Variants in MAP7D3 observed in about 807,000 individuals in gnomAD.
MAP7D3 encodes MAP7 domain containing 3.
Under a neutral mutation model 62.2 loss-of-function variants are expected in MAP7D3, and 45 were observed. The ratio of observed to expected loss-of-function variants is 0.72; its 90% confidence interval spans 0.57 to 0.93. The LOEUF (loss-of-function observed/expected upper bound fraction) is 0.93, where lower values mean the gene tolerates loss of function less well. MAP7D3 is among the 40% of genes least tolerant of loss of function. MAP7D3 has a pLI of 0.00. For synonymous variants in MAP7D3, 288 were observed against 248.8 expected (o/e 1.16, Z -1.48); for missense variants, 711 against 683.1 (o/e 1.04, Z -0.45).
intron 12 of MAP7D3, among the ~76,000 whole-genome samples, chrX:136,226,596 T>C (rs1486853138): frequency 8.9e-6 from 1 of 111,855 alleles, no homozygotes; most frequent in Non-Finnish European, 1.9e-5. Flanking sequence ...GTTTATCTTA[T>C]CTGTTACAGG....
intron 16 of MAP7D3, 98 bp from the exon 17 acceptor site, chrX:136,219,769 T>C: frequency 1.5e-6 from 1 of 662,606 alleles, no homozygotes; most frequent in Non-Finnish European, 2.5e-6. Context: ...AAGAAATGCC[T>C]TGGAATTAAA....
intron 1 of MAP7D3, among the ~76,000 whole-genome samples, chrX:136,249,510 G>A (rs766281338): frequency 2.7e-5 from 3 of 112,276 alleles, no homozygotes; most frequent in African/African-American, 9.7e-5. Flanking sequence ...GCTATGCACA[G>A]AAAACATCAC....
intron 3 of MAP7D3, among the ~76,000 whole-genome samples, chrX:136,245,070 A>G (rs893995006): frequency 8.9e-6 from 1 of 112,371 alleles, no homozygotes; most frequent in Non-Finnish European, 1.9e-5. Context: ...TTAAGAAAAA[A>G]TATTTTCTTT....
At chrX:136,239,651 T>C (rs1371099735) in intron 6 of MAP7D3, among the ~76,000 whole-genome samples, 1 of 112,272 alleles carries the variant, frequency 8.9e-6, no homozygotes, top group African/African-American at 3.2e-5. Flanking sequence ...CAGATCAACC[T>C]GTCCACTGCT....
Position 136,231,635 on chromosome X carries a change from G to A in MAP7D3, c.1322C>T (p.Ser441Phe). Residue 441 changes from serine (S) to phenylalanine (F), a missense_variant, in exon 8 of 19, where the codon TCT becomes TTT. Coordinates refer to ENST00000316077, the MANE Select transcript of MAP7D3 (RefSeq NM_024597.4). ...GGATGCTTTCACCATCGCCTCAGGA[G>A]ATGCCTCCATGCTCTCCTTGGGTGA... ...KGSPKESMEASPEAMVKASPK... is the reference protein window; with the variant it reads ...KGSPKESMEAFPEAMVKASPK... 1 of 1,210,726 alleles carries A rather than the reference G, an allele frequency of 8.3e-7. No homozygotes were observed. The highest frequency in any genetic ancestry group is 1.7e-5 in the African/African-American group (1 of 57,511).
intron 10 of MAP7D3, among the ~76,000 whole-genome samples, chrX:136,229,733 C>G (rs1473414512): frequency 1.9e-4 from 20 of 106,141 alleles, no homozygotes. Context: ...TGGGGTCTCG[C>G]TCTCTCATCC....
At position 136,217,156 on chromosome X, in the gene MAP7D3, T is replaced by C. The variant is rs1412638660; in HGVS notation, c.*1370A>G. On this transcript the variant is annotated 3_prime_UTR_variant, in exon 19 of 19. Transcript: ENST00000316077. ...AACTCATTAGGAGAATTAATCTGCATTTGAATTTTATGGAATCATATACTG... is the reference window on the plus strand; with the variant it reads ...AACTCATTAGGAGAATTAATCTGCACTTGAATTTTATGGAATCATATACTG... The C allele has an allele frequency of 8.9e-6, 1 of 112,140 alleles. No homozygotes were observed. The highest frequency in any genetic ancestry group is 1.9e-5 in the Non-Finnish European group (1 of 53,176). 9.2% of individuals were successfully genotyped at this position (112,140 alleles called of 1,213,427 possible). A position where few individuals can be genotyped will look rare whatever the true frequency, so the allele number is the denominator to read the frequency against.
At chrX:136,219,530 T>G in intron 17 of MAP7D3, 35 bp from the exon 18 acceptor site, 1 of 1,177,541 alleles carries the variant, frequency 8.5e-7, no homozygotes, top group Non-Finnish European at 1.2e-6. Context: ...GATAGTTCTG[T>G]GTGACTTAAA....
rs772837100 is a variant in MAP7D3, at chrX:136,231,925, G to A, written c.1032C>T (p.Asp344=). The change falls in exon 8 of 19, where the codon GAC becomes GAT. Residue 344 remains aspartate (D), a synonymous_variant. Coordinates refer to ENST00000316077, the MANE Select transcript of MAP7D3 (RefSeq NM_024597.4). ...STDSFPVVSV[D]VSPVVSTYDS... is the part of the protein sequence containing the mutation. ...CATATGTGCTCACCACAGGCGACACGTCCACGCTCACCACAGGGAATGAGT... is the reference window on the plus strand; with the variant it reads ...CATATGTGCTCACCACAGGCGACACATCCACGCTCACCACAGGGAATGAGT... The A allele has an allele frequency of 3.6e-4, 434 of 1,209,145 alleles. 3 individuals are homozygous for A. The South Asian group carries it at 6.7e-3, about 19-fold the overall frequency.
intron 6 of MAP7D3, among the ~76,000 whole-genome samples, chrX:136,237,583 A>T (rs1251944149): frequency 8.9e-6 from 1 of 112,298 alleles, no homozygotes; most frequent in Non-Finnish European, 1.9e-5. Flanking sequence ...TGTACCTTTA[A>T]GAAAATATTT....
At chrX:136,245,103 G>C (rs1375758471) in intron 3 of MAP7D3, among the ~76,000 whole-genome samples, 1 of 111,966 alleles carries the variant, frequency 8.9e-6, no homozygotes, top group East Asian at 2.8e-4. Context: ...CTGCTGATTT[G>C]AGCTAAAGTC....
At chrX:136,249,777 C>T (rs2074485240) in intron 1 of MAP7D3, among the ~76,000 whole-genome samples, 1 of 111,951 alleles carries the variant, frequency 8.9e-6, no homozygotes, top group Admixed American at 9.5e-5. Context: ...CAAGTTGGTG[C>T]TCTGTGAAAA....
In MAP7D3 at chrX:136,236,274, C is replaced by T; in HGVS notation, c.706G>A (p.Asp236Asn). 1 of 1,193,885 alleles carries T rather than the reference C, an allele frequency of 8.4e-7. No homozygotes were observed. The highest frequency in any genetic ancestry group is 1.7e-5 in the African/African-American group (1 of 57,314). Residue 236 changes from aspartate (D) to asparagine (N), a missense_variant, in exon 7 of 19, where the codon GAT becomes AAT. Physicochemically the swap from Asp to Asn is conservative, Grantham distance 23. Transcript: ENST00000316077. The stretch of plus-strand genomic sequence containing the variant: ...GGCTTCCTTTCGGCTTGTTCTTTAT[C>T]AGTAGACGAATGTAGGTTACTATCT... ...RRDSNLHSST[D>N]KEQAERKPRV...
chrX:136,215,414 T>C (rs1015590604), downstream of MAP7D3, among the ~76,000 whole-genome samples: 2 of 111,674 alleles, frequency 1.8e-5, no homozygotes, highest in Non-Finnish European at 3.8e-5. Flanking sequence ...GGGATCTAGG[T>C]TGTGTGCTTC....
chrX:136,219,411 A>C lies in MAP7D3; in HGVS notation c.*19T>G. 8.6e-7 allele frequency: 1 copy of C among 1,168,449 alleles called. No individual in the cohort carries two copies. The highest frequency in any genetic ancestry group is 1.2e-6 in the Non-Finnish European group (1 of 860,968). On this transcript the variant is annotated 3_prime_UTR_variant, in exon 18 of 19. Coordinates refer to ENST00000316077, the MANE Select transcript of MAP7D3 (RefSeq NM_024597.4). ...ATGAGGACTTACCCAAATGAGGAGA[A>C]ACAGGTTTGCTTCTTCTCTTATTGT...
At chrX:136,241,618 A>G (rs139056230) in intron 4 of MAP7D3, among the ~76,000 whole-genome samples, 1,733 of 111,353 alleles carry the variant, frequency 0.016, 13 homozygotes, top group Middle Eastern at 0.047. Context: ...TTATTTGCCT[A>G]TGTTAGTTTT....
chrX:136,245,696 G>C (rs2074439964), intron 3 of MAP7D3, among the ~76,000 whole-genome samples: 1 of 110,374 alleles, frequency 9.1e-6, no homozygotes, highest in Non-Finnish European at 1.9e-5. Flanking sequence ...GCAGTGAGCT[G>C]AGATCGCGCC....
chrX:136,238,359 G>A (rs980711953), intron 6 of MAP7D3, among the ~76,000 whole-genome samples: 1 of 111,846 alleles, frequency 8.9e-6, no homozygotes, highest in Non-Finnish European at 1.9e-5. Flanking sequence ...TGTAATAAAT[G>A]TCTATGAGAT....
intron 4 of MAP7D3, among the ~76,000 whole-genome samples, chrX:136,241,790 C>T (rs5929746): frequency 0.46 from 50,662 of 109,246 alleles, 9,131 homozygotes; most frequent in East Asian, 0.7. Context: ...TCTGTAACAG[C>T]TAAAATTCTG....
Sources: gnomAD v4.1 joint callset for allele counts (sites outside exome capture counted in the v4.1 genomes callset) on GRCh38, gnomAD v4.1.1 for gene constraint, MANE v1.5 for transcripts, NCBI Gene and HGNC (gene_info 2026-07-23, HGNC 2026-07-21) for gene names.